Variants in CDK13 observed in about 807,000 individuals in gnomAD.
CDK13 encodes cyclin-dependent kinase 13.
In CDK13, 40 loss-of-function variants were observed where a neutral mutation model predicts 137.6. The observed-to-expected ratio is 0.29, with a 90% confidence interval of 0.23 to 0.38. The LOEUF (loss-of-function observed/expected upper bound fraction) is 0.38, where lower values mean the gene tolerates loss of function less well. Among genes scored for constraint, CDK13 ranks in the 10% least tolerant of loss-of-function variants. The pLI, the probability that CDK13 is intolerant of heterozygous loss-of-function variation, is 1.00. For missense variants in CDK13, 1,704 were observed against 1,951.8 expected (o/e 0.87, Z 2.39); for synonymous variants, 869 against 760.1 (o/e 1.14, Z -2.36).
intron 1 of CDK13, among the ~76,000 whole-genome samples, chr7:39,975,111 T>C (rs1455933421): frequency 6.6e-6 from 1 of 151,834 alleles, no homozygotes; most frequent in Non-Finnish European, 1.5e-5. Context: ...AGTCTTAAGC[T>C]CTGGTGTAAA....
Position 40,099,408 on chromosome 7 carries a change from T to C in CDK13, c.*4428T>C, listed in dbSNP as rs937648622. On this transcript the variant is annotated 3_prime_UTR_variant, in exon 14 of 14. Coordinates refer to ENST00000181839, the MANE Select transcript of CDK13 (RefSeq NM_003718.5). ...TATAGTGAATACAGAATCACTCTTC[T>C]AAGTTTTTTCCCAGTTAATTTGTTT... 6.6e-6 allele frequency: 1 copy of C among 152,216 alleles called. No homozygotes were observed. The highest frequency in any genetic ancestry group is 2.4e-5 in the African/African-American group (1 of 41,454). 9.4% of individuals were successfully genotyped at this position (152,216 alleles called of 1,614,324 possible). A position where few individuals can be genotyped will look rare whatever the true frequency, so the allele number is the denominator to read the frequency against.
chr7:39,969,293 T>A (rs1410144794), intron 1 of CDK13, among the ~76,000 whole-genome samples: 4 of 152,230 alleles, frequency 2.6e-5, no homozygotes, highest in Non-Finnish European at 5.9e-5. Context: ...ATTACAGTTA[T>A]GAGCTACGGC....
intron 1 of CDK13, among the ~76,000 whole-genome samples, chr7:39,960,848 T>TA (rs1318635609): frequency 6.6e-6 from 1 of 152,060 alleles, no homozygotes; most frequent in African/African-American, 2.4e-5. Flanking sequence ...GTGCTGGGAT[T>TA]ACAGGCGTGA....
At chr7:40,051,974 G>C (rs10277853) in intron 7 of CDK13, among the ~76,000 whole-genome samples, 1 of 151,868 alleles carries the variant, frequency 6.6e-6, no homozygotes, top group Non-Finnish European at 1.5e-5. Flanking sequence ...TTTAGTATAT[G>C]GTTTTTTAAG....
chr7:39,992,119 A>G (rs947407968), intron 2 of CDK13, among the ~76,000 whole-genome samples: 3 of 143,534 alleles, frequency 2.1e-5, no homozygotes, highest in Non-Finnish European at 3.0e-5. Flanking sequence ...ACACACACAC[A>G]AGCACACACG....
chr7:40,070,366 G>A (rs1183041555), intron 9 of CDK13: 3 of 138,070 alleles, frequency 2.2e-5, no homozygotes, highest in South Asian at 2.3e-4. Flanking sequence ...CGGAGATTGT[G>A]CCACTGCACT....
chr7:40,021,150 C>CACACACACAT (rs1562733223), intron 5 of CDK13, among the ~76,000 whole-genome samples: 2 of 150,442 alleles, frequency 1.3e-5, no homozygotes, highest in Non-Finnish European at 3.0e-5. Flanking sequence ...CACACACACA[C>CACACACACAT]ATAAAGTTTT....
chr7:40,041,609 T>C (rs1785607418), intron 5 of CDK13, among the ~76,000 whole-genome samples: 1 of 152,214 alleles, frequency 6.6e-6, no homozygotes, highest in African/African-American at 2.4e-5. Context: ...AGCTACTGTA[T>C]TGGACCATGC....
chr7:39,961,658 T>G (rs1486546534), intron 1 of CDK13, among the ~76,000 whole-genome samples: 4 of 152,088 alleles, frequency 2.6e-5, no homozygotes, highest in African/African-American at 9.7e-5. Context: ...AATTATACTT[T>G]AAGTTTTAGG....
In CDK13 at chr7:40,021,353, C is replaced by T. The variant is rs1191679558; in HGVS notation, c.2353+19322C>T. Among the ~76,000 whole-genome samples the T allele has an allele frequency of 8.6e-5, 13 of 150,364 alleles. No homozygotes were observed. In the South Asian group the frequency reaches 2.3e-3, roughly 27 times the overall value. ...CTCTACTAAAAATACAAAAATTAGC[C>T]GGCTTCGTGTTGCATGCCTGTAGTT... On this transcript the variant is annotated intron_variant, in intron 5 of 13. Transcript: ENST00000181839.
intron 7 of CDK13, among the ~76,000 whole-genome samples, chr7:40,053,340 C>T (rs1392323156): frequency 6.6e-6 from 1 of 152,116 alleles, no homozygotes; most frequent in East Asian, 1.9e-4. Flanking sequence ...ACTCCTTTTC[C>T]TTTATTTCCC....
Position 39,991,989 on chromosome 7 carries a change from A to T in CDK13, c.1871+3731A>T, listed in dbSNP as rs373158893. Among the ~76,000 whole-genome samples, 34 of 152,050 alleles carry T rather than the reference A, an allele frequency of 2.2e-4. No individual in the cohort carries two copies. The East Asian group carries it at 6.3e-3, about 28-fold the overall frequency. On this transcript the variant is annotated intron_variant, in intron 2 of 13. Transcript: ENST00000181839. Reference sequence around the variant, plus strand: ...ATCACCTGAGCCCAAGAGGTCGAGGATGCAGTGAGCTGTGATTGCACCACT... The same window carrying T: ...ATCACCTGAGCCCAAGAGGTCGAGGTTGCAGTGAGCTGTGATTGCACCACT...
At chr7:39,955,277 C>T (rs1787373982) in intron 1 of CDK13, among the ~76,000 whole-genome samples, 1 of 152,118 alleles carries the variant, frequency 6.6e-6, no homozygotes, top group South Asian at 2.1e-4. Context: ...GGAAACATTC[C>T]CATTGATGGA....
At chr7:39,962,972 C>T (rs1230952255) in intron 1 of CDK13, among the ~76,000 whole-genome samples, 1 of 152,074 alleles carries the variant, frequency 6.6e-6, no homozygotes, top group Non-Finnish European at 1.5e-5. Flanking sequence ...TGTTCTGTTC[C>T]ATTGGTCTAT....
chr7:39,969,028 T>C (rs1246341252), intron 1 of CDK13, among the ~76,000 whole-genome samples: 1 of 152,130 alleles, frequency 6.6e-6, no homozygotes, highest in Admixed American at 6.5e-5. Flanking sequence ...TTTGTTTGTT[T>C]GTTTTGAGAT....
chr7:39,973,115 A>G (rs752560309), intron 1 of CDK13, among the ~76,000 whole-genome samples: 3 of 152,130 alleles, frequency 2.0e-5, no homozygotes, highest in South Asian at 2.1e-4. Context: ...AAATGTCTAC[A>G]TGAATCTCTT....
intron 5 of CDK13, among the ~76,000 whole-genome samples, chr7:40,007,413 C>A (rs1784815112): frequency 6.6e-6 from 1 of 152,074 alleles, no homozygotes; most frequent in South Asian, 2.1e-4. Flanking sequence ...TTTCATATAA[C>A]TTGTATTTTT....
intron 5 of CDK13, among the ~76,000 whole-genome samples, chr7:40,028,218 C>G (rs892490035): frequency 1.0e-4 from 12 of 119,002 alleles, no homozygotes; most frequent in Non-Finnish European, 1.9e-4. Context: ...CTTGAATTGA[C>G]TTTTTTTTTT....
intron 5 of CDK13, among the ~76,000 whole-genome samples, chr7:40,037,500 G>A (rs1785510506): frequency 6.6e-6 from 1 of 152,166 alleles, no homozygotes; most frequent in African/African-American, 2.4e-5. Context: ...ATCTAAAAAA[G>A]TAAGGTAGAC....
Sources: allele counts gnomAD v4.1 joint callset (sites outside exome capture counted in the v4.1 genomes callset), GRCh38; gene constraint gnomAD v4.1.1; transcripts MANE v1.5; gene names NCBI Gene and HGNC (gene_info 2026-07-23, HGNC 2026-07-21).